Variants in HOXC6 observed in about 807,000 individuals in gnomAD.
HOXC6 encodes homeobox protein Hox-C6.
A neutral mutation model predicts 24.0 loss-of-function variants in HOXC6; 10 were observed. The observed-to-expected ratio is 0.42, with a 90% CI of 0.26 to 0.71. The LOEUF is 0.71. Ranked by LOEUF, HOXC6 falls within the 30% of genes least tolerant of loss-of-function variation. The pLI is 0.28. For synonymous variants in HOXC6, 123 were observed against 128.1 expected, an observed-to-expected ratio of 0.96 and a Z score of 0.27; for missense variants, 258 against 303.4, an observed-to-expected ratio of 0.85 and a Z score of 1.11.
upstream of HOXC6, among the ~76,000 whole-genome samples, chr12:54,026,954 C>G (rs544464973): frequency 9.5e-6 from 1 of 104,768 alleles, no homozygotes; most frequent in South Asian, 2.7e-4. Flanking sequence ...CCCAACCCAC[C>G]CAAAAATGGT....
upstream of HOXC6, among the ~76,000 whole-genome samples, chr12:54,025,649 A>C (rs1940664193): frequency 6.6e-6 from 1 of 151,822 alleles, no homozygotes; most frequent in Non-Finnish European, 1.5e-5. Flanking sequence ...TTCACCCAGC[A>C]GCTGGTTTCT....
At chr12:54,023,505 G>A (rs558593733), upstream of HOXC6, among the ~76,000 whole-genome samples, 6 of 152,226 alleles carry the variant, frequency 3.9e-5, no homozygotes, top group East Asian at 7.7e-4. Context: ...AAAGCAGCTC[G>A]GGTAGCCTCT....
chr12:54,026,264 A>G (rs1286818972), upstream of HOXC6, among the ~76,000 whole-genome samples: 1 of 152,114 alleles, frequency 6.6e-6, no homozygotes, highest in African/African-American at 2.4e-5. Flanking sequence ...CTCAGTCCCC[A>G]GAGTACTCCT....
chr12:54,019,421 G>T (rs1940326426), intron 1 of HOXC6, among the ~76,000 whole-genome samples: 1 of 152,200 alleles, frequency 6.6e-6, no homozygotes, highest in Non-Finnish European at 1.5e-5. Context: ...GGCAAAGGGA[G>T]TGCGGTGGGA....
At position 54,028,822 on chromosome 12, in the gene HOXC6, G is replaced by A. The variant is rs1378365391; in HGVS notation, c.301G>A (p.Ala101Thr). 3.7e-6 allele frequency: 6 copies of A among 1,614,056 alleles called. No individual in the cohort carries two copies. In the South Asian group the frequency reaches 6.6e-5, roughly 18 times the overall value. ...TLGHNTQTSIAQDFSSEQGRT... is the reference protein window; with the variant it reads ...TLGHNTQTSITQDFSSEQGRT... ...AGGACATAACACACAGACCTCAATC[G>A]CTCAGGATTTTAGTTCTGAGCAGGG... Residue 101 changes from alanine (A) to threonine (T), a missense_variant, in exon 1 of 2, where the codon GCT becomes ACT. Physicochemically the swap from Ala to Thr is moderately conservative, Grantham distance 58. Coordinates refer to ENST00000243108, the MANE Select transcript of HOXC6 (RefSeq NM_004503.4).
chr12:54,025,877 C>A (rs1195041343), upstream of HOXC6, among the ~76,000 whole-genome samples: 1 of 152,090 alleles, frequency 6.6e-6, no homozygotes, highest in South Asian at 2.1e-4. Context: ...ACCTAGGCAT[C>A]CTTGCTGGGG....
upstream of HOXC6, among the ~76,000 whole-genome samples, chr12:54,025,845 G>T (rs915704306): frequency 2.6e-5 from 4 of 152,088 alleles, no homozygotes; most frequent in African/African-American, 4.8e-5. Context: ...CTCCAGACAT[G>T]GTTGAGGAGG....
Position 54,028,803 on chromosome 12 carries a change from T to C in HOXC6, c.282T>C (p.His94=). 6.2e-7 allele frequency: 1 copy of C among 1,614,026 alleles called. No homozygotes were observed. The highest frequency in any genetic ancestry group is 1.1e-5 in the South Asian group (1 of 91,070). Residue 94 remains histidine, a synonymous_variant, in exon 1 of 2, where the codon CAT becomes CAC. Coordinates refer to ENST00000243108, the MANE Select transcript of HOXC6 (RefSeq NM_004503.4). The part of the protein sequence containing the change: ...LSNCRQNTLG[H]NTQTSIAQDF... ...ACTGCAGACAAAACACCTTAGGACA[T>C]AACACACAGACCTCAATCGCTCAGG...
At chr12:54,029,168 G>A (rs924424381) in intron 1 of HOXC6, among the ~76,000 whole-genome samples, 6 of 152,214 alleles carry the variant, frequency 3.9e-5, no homozygotes, top group African/African-American at 7.2e-5. Context: ...CAGGAACAGG[G>A]CAGGGGATGA....
chr12:54,029,182 G>T (rs1428117571), intron 1 of HOXC6, among the ~76,000 whole-genome samples: 1 of 152,224 alleles, frequency 6.6e-6, no homozygotes, highest in African/African-American at 2.4e-5. Flanking sequence ...GGGATGAGGG[G>T]AGGGAGCAGA....
At chr12:54,018,798 T>G (rs901319672) in intron 1 of HOXC6, among the ~76,000 whole-genome samples, 3 of 152,044 alleles carry the variant, frequency 2.0e-5, no homozygotes, top group Admixed American at 6.5e-5. Flanking sequence ...CGAGAGAACC[T>G]GGGGGCCAGA....
At chr12:54,018,097 C>G (rs929903613) in intron 1 of HOXC6, among the ~76,000 whole-genome samples, 1 of 152,066 alleles carries the variant, frequency 6.6e-6, no homozygotes, top group Non-Finnish European at 1.5e-5. Context: ...CCTGCTCCCG[C>G]CCCCACTCGG....
At chr12:54,018,248 C>G (rs111916365) in intron 1 of HOXC6, among the ~76,000 whole-genome samples, 1 of 152,238 alleles carries the variant, frequency 6.6e-6, no homozygotes, top group Non-Finnish European at 1.5e-5. Flanking sequence ...GTCCGGCGCC[C>G]CTCACCCCCA....
intron 1 of HOXC6, among the ~76,000 whole-genome samples, chr12:54,019,408 A>G (rs931629543): frequency 1.3e-5 from 2 of 152,048 alleles, no homozygotes; most frequent in Non-Finnish European, 2.9e-5. Flanking sequence ...GGGACCTGAA[A>G]AGGGCAAAGG....
chr12:54,018,714 G>A (rs538397473), intron 1 of HOXC6, among the ~76,000 whole-genome samples: 2 of 151,946 alleles, frequency 1.3e-5, no homozygotes, highest in Admixed American at 6.6e-5. Context: ...TATAAACGGC[G>A]ACGCACACGC....
In HOXC6 at chr12:54,029,872, C is replaced by G. The variant is rs1378942180; in HGVS notation, c.618C>G (p.Leu206=). The G allele has an allele frequency of 4.3e-6, 7 of 1,612,848 alleles. No homozygotes were observed. Among genetic ancestry groups the G allele is most frequent in the Non-Finnish European group, 5.9e-6 (7 of 1,179,366 alleles). The change falls in exon 2 of 2, where the codon CTC becomes CTG. Residue 206 remains leucine, a synonymous_variant. Coordinates refer to ENST00000243108, the MANE Select transcript of HOXC6 (RefSeq NM_004503.4). ...WKKESNLTST[L]SGGGGGATAD... Reference sequence around the variant, plus strand: ...AAGAATCTAATCTCACATCCACTCTCTCGGGGGGCGGCGGAGGGGCCACCG... The same window carrying G: ...AAGAATCTAATCTCACATCCACTCTGTCGGGGGGCGGCGGAGGGGCCACCG...
At chr12:54,029,630 G>T in intron 1 of HOXC6, 25 bp from the exon 2 acceptor site, 1 of 1,603,788 alleles carries the variant, frequency 6.2e-7, no homozygotes, top group South Asian at 1.1e-5. Flanking sequence ...ATTGCTTTTA[G>T]TGTGTTTTGT....
upstream of HOXC6, chr12:54,028,379 T>C: frequency 1.2e-6 from 1 of 852,730 alleles, no homozygotes; most frequent in South Asian, 2.0e-5. Context: ...TGGCTTGCGA[T>C]TGGCTGGGAG....
rs1263258522 is a variant in HOXC6, at chr12:54,029,645, G to T, written c.401-10G>T. On this transcript the variant is annotated splice_polypyrimidine_tract_variant and intron_variant, in intron 1 of 1. Transcript: ENST00000243108. ...ATTGCTTTTAGTGTGTTTTGTGCCC[G>T]GATCTTTAGGGGTCGGCTACGGAGC... is the stretch of plus-strand genomic sequence containing the variant. 3.1e-6 allele frequency: 5 copies of T among 1,608,428 alleles called. No homozygotes were observed. The South Asian group carries it at 4.4e-5, about 14-fold the overall frequency.
Sources: gnomAD v4.1 joint callset for allele counts (sites outside exome capture counted in the v4.1 genomes callset) on GRCh38, gnomAD v4.1.1 for gene constraint, MANE v1.5 for transcripts, NCBI Gene and HGNC (gene_info 2026-07-23, HGNC 2026-07-21) for gene names.